HDX: variants seen among roughly 807,000 people sequenced by gnomAD.
HDX encodes chromosome X open reading frame 43.
Under a neutral mutation model 45.2 loss-of-function variants are expected in HDX, and 19 were observed. The observed-to-expected ratio is 0.42, with a 90% CI of 0.29 to 0.62. The LOEUF (loss-of-function observed/expected upper bound fraction) is 0.62. Ranked by LOEUF, HDX falls within the 20% of genes least tolerant of loss-of-function variation. The pLI is 0.20. For missense variants in HDX, 532 were observed against 493.9 expected, an observed-to-expected ratio of 1.08 and a Z score of -0.73; for synonymous variants, 188 against 172.8, an observed-to-expected ratio of 1.09 and a Z score of -0.69.
intron 4 of HDX, among the ~76,000 whole-genome samples, chrX:84,451,726 A>AG (rs1175384958): frequency 9.0e-6 from 1 of 111,289 alleles, no homozygotes; most frequent in Non-Finnish European, 1.9e-5. Context: ...GCAAAAAAAA[A>AG]CAAATATTTT....
In HDX at chrX:84,459,646, A is replaced by G. The variant is rs182288146; in HGVS notation, c.1251+8826T>C. 3.0e-3 allele frequency among the ~76,000 whole-genome samples: 320 copies of G among 105,938 alleles called. 1 individual carries two copies. The highest frequency in any genetic ancestry group is 0.01 in the African/African-American group (305 of 29,715). The allele number at this position is 105,938 out of a possible 115,157, so 92.0% of individuals were successfully genotyped here. A position where few individuals can be genotyped will look rare whatever the true frequency, so the allele number is the denominator to read the frequency against. ...GATGCATTTCAGAGAACTAGAAAAG[A>G]AAGAGCAAACAAAACCCAAAGTTAT... On this transcript the variant is annotated intron_variant, in intron 4 of 10. Coordinates refer to ENST00000373177, the MANE Select transcript of HDX (RefSeq NM_001177479.2).
chrX:84,372,060 T>C (rs1332620986), intron 5 of HDX, among the ~76,000 whole-genome samples: 2 of 111,976 alleles, frequency 1.8e-5, no homozygotes, highest in Non-Finnish European at 3.8e-5. Flanking sequence ...TACAATAAAA[T>C]AAATCTGTAG....
chrX:84,477,644 T>TATC (rs1489820372), intron 2 of HDX, among the ~76,000 whole-genome samples: 1 of 112,124 alleles, frequency 8.9e-6, no homozygotes, highest in African/African-American at 3.2e-5. Flanking sequence ...AATTTATCAT[T>TATC]ATCTTCATCC....
Position 84,494,029 on chromosome X carries a change from TA to T in HDX, c.-109-5898del, listed in dbSNP as rs1172487442. Among the ~76,000 whole-genome samples, 37 of 110,519 alleles carry T rather than the reference TA, an allele frequency of 3.3e-4. No homozygotes were observed. In the East Asian group the frequency reaches 9.4e-3, roughly 28 times the overall value. On this transcript the variant is annotated intron_variant, in intron 1 of 10. Transcript: ENST00000373177. ...TTAAGAATAAAAAAATTAAAAATAC[TA>T]AAAAAAAGTAAAAAGATCAATTTCA... is the stretch of plus-strand genomic sequence containing the variant.
intron 5 of HDX, among the ~76,000 whole-genome samples, chrX:84,394,424 G>A (rs1254182484): frequency 9.0e-6 from 1 of 111,651 alleles, no homozygotes; most frequent in Non-Finnish European, 1.9e-5. Context: ...ATCATATGTT[G>A]TATCCTGGAG....
chrX:84,391,489 G>C (rs1398745163), intron 5 of HDX, among the ~76,000 whole-genome samples: 3 of 65,329 alleles, frequency 4.6e-5, no homozygotes, highest in African/African-American at 1.0e-4. Flanking sequence ...GGATTATGTG[G>C]GAGTGCTGCT....
chrX:84,465,631 G>A (rs1169891169), intron 4 of HDX, among the ~76,000 whole-genome samples: 1 of 111,779 alleles, frequency 8.9e-6, no homozygotes, highest in Non-Finnish European at 1.9e-5. Flanking sequence ...GAGAACACAT[G>A]GACACAGGGA....
chrX:84,417,175 A>AAAGAAAGAAAGAGAGAGAAAGAAAG (rs1373982334), intron 5 of HDX, among the ~76,000 whole-genome samples: 19 of 105,348 alleles, frequency 1.8e-4, no homozygotes, highest in Non-Finnish European at 3.3e-4. Context: ...AGAAAGAATG[A>AAAGAAAGAAAGAGAGAGAAAGAAAG]AAGAAAGAAA....
intron 5 of HDX, among the ~76,000 whole-genome samples, chrX:84,405,211 T>G (rs2147966702): frequency 9.0e-6 from 1 of 110,693 alleles, no homozygotes; most frequent in Non-Finnish European, 1.9e-5. Flanking sequence ...CTCATGAAAT[T>G]TAGTCACACA....
At chrX:84,345,117 T>C (rs893768112) in intron 6 of HDX, among the ~76,000 whole-genome samples, 1 of 111,400 alleles carries the variant, frequency 9.0e-6, no homozygotes, top group African/African-American at 3.3e-5. Context: ...TACAACCAAT[T>C]TTCAAGACAT....
chrX:84,386,232 G>A (rs1354385673), intron 5 of HDX, among the ~76,000 whole-genome samples: 3 of 111,144 alleles, frequency 2.7e-5, no homozygotes, highest in East Asian at 2.8e-4. Context: ...TTAACTTTTG[G>A]ATGTGCTGCT....
intron 2 of HDX, among the ~76,000 whole-genome samples, chrX:84,483,288 A>G (rs2040726680): frequency 8.9e-6 from 1 of 112,110 alleles, no homozygotes; most frequent in African/African-American, 3.2e-5. Flanking sequence ...GCCCTAGCAG[A>G]GGTTCTCCAT....
chrX:84,357,182 G>T (rs1479511329), intron 6 of HDX, among the ~76,000 whole-genome samples: 1 of 111,854 alleles, frequency 8.9e-6, no homozygotes, highest in African/African-American at 3.2e-5. Context: ...AAACAGATTG[G>T]AAGTGGAAAT....
At chrX:84,496,648 C>A (rs180899080) in intron 1 of HDX, among the ~76,000 whole-genome samples, 96 of 111,519 alleles carry the variant, frequency 8.6e-4, no homozygotes, top group Admixed American at 1.1e-3. Context: ...CTTCCAGCAT[C>A]TTTTAACCAT....
chrX:84,319,716 T>C lies in HDX; in HGVS notation c.*2173A>G, dbSNP rs2036562547. 2 of 111,483 alleles carry C rather than the reference T, an allele frequency of 1.8e-5. No individual in the cohort carries two copies. The highest frequency in any genetic ancestry group is 7.4e-4 in the South Asian group (2 of 2,715). 9.2% of individuals were successfully genotyped at this position (111,483 alleles called of 1,213,427 possible). On this transcript the variant is annotated 3_prime_UTR_variant, in exon 11 of 11. Transcript: ENST00000373177. The stretch of plus-strand genomic sequence containing the variant: ...TAGGAATCCTTCTAAGAATCACACC[T>C]AGCAGAACCTTAAATCTATTAAAAA...
intron 5 of HDX, among the ~76,000 whole-genome samples, chrX:84,410,445 C>T (rs1398944421): frequency 9.0e-6 from 1 of 110,720 alleles, no homozygotes; most frequent in African/African-American, 3.3e-5. Context: ...TGTGTGCGCA[C>T]GTTTATGTAA....
rs760018089 is a variant in HDX, at chrX:84,348,270, T to A, written c.1453-3813A>T. Among the ~76,000 whole-genome samples the A allele has an allele frequency of 2.6e-3, 295 of 111,904 alleles. 2 individuals are homozygous for A. Among genetic ancestry groups the A allele is most frequent in the African/African-American group, 9.2e-3 (285 of 30,818 alleles). ...GTCTGCTAATGAGACCATCAAAAGCTTTCTTCATTTCAGTTACTGTTTTTG... is the reference window on the plus strand; with the variant it reads ...GTCTGCTAATGAGACCATCAAAAGCATTCTTCATTTCAGTTACTGTTTTTG... On this transcript the variant is annotated intron_variant, in intron 6 of 10. Transcript: ENST00000373177.
chrX:84,475,388 G>A lies in HDX; in HGVS notation c.10C>T (p.Arg4Cys), dbSNP rs765347022. 3 of 1,108,481 alleles carry A rather than the reference G, an allele frequency of 2.7e-6. No homozygotes were observed. Among genetic ancestry groups the A allele is most frequent in the Non-Finnish European group, 3.6e-6 (3 of 827,516 alleles). The allele number at this position is 1,108,481 out of a possible 1,213,427, so 91.4% of individuals were successfully genotyped here. A position where few individuals can be genotyped will look rare whatever the true frequency, so the allele number is the denominator to read the frequency against. Residue 4 changes from arginine to cysteine, a missense_variant, in exon 3 of 11, where the codon CGT becomes TGT. Physicochemically the swap from Arg to Cys is radical, Grantham distance 180. Around this residue, in one of 3 missense-constraint regions of HDX, gnomAD observed 376 missense variants for 343.7 expected, o/e 1.09. Transcript: ENST00000373177. MNL[R>C]SVFTVEQQRI... ...TGTTGTTCTACAGTAAATACAGAAC[G>A]TAGATTCATCTAAAAATAAAAGAAG... is the stretch of plus-strand genomic sequence containing the variant.
At chrX:84,447,328 G>A (rs2039895373) in intron 4 of HDX, among the ~76,000 whole-genome samples, 1 of 111,611 alleles carries the variant, frequency 9.0e-6, no homozygotes. Context: ...CAACAAAGAA[G>A]TGACAAAACA....
Sources: allele counts gnomAD v4.1 joint callset (sites outside exome capture counted in the v4.1 genomes callset), GRCh38; gene constraint gnomAD v4.1.1; regional missense constraint gnomAD v4.1.1; transcripts MANE v1.5; gene names NCBI Gene and HGNC (gene_info 2026-07-23, HGNC 2026-07-21).